The following AKNA variants were observed in gnomAD, a reference collection of about 807,000 sequenced individuals.
AKNA encodes AT-hook transcription factor, also known as microtubule organization protein AKNA.
AKNA carries 67 observed loss-of-function variants against 138.8 expected under a neutral mutation model. That is an observed-to-expected ratio of 0.48 (90% CI 0.40 to 0.59). The LOEUF (loss-of-function observed/expected upper bound fraction) is 0.59. Among genes scored for constraint, AKNA ranks in the 20% least tolerant of loss-of-function variants. The pLI, the probability that AKNA is intolerant of heterozygous loss-of-function variation, is 0.00. For synonymous variants in AKNA, 737 were observed against 754.4 expected (o/e 0.98, Z 0.38); for missense variants, 1,813 against 1,880.4 (o/e 0.96, Z 0.66).
chr9:114,383,290 C>T, intron 1 of AKNA: 2 of 445,820 alleles, frequency 4.5e-6, no homozygotes, highest in South Asian at 3.2e-5. Flanking sequence ...TTCCCTCTTT[C>T]CTTCTCCCTC....
upstream of AKNA, among the ~76,000 whole-genome samples, chr9:114,390,975 T>C (rs991313254): frequency 6.6e-5 from 10 of 152,256 alleles, no homozygotes; most frequent in African/African-American, 2.4e-4. Flanking sequence ...CTCATCATCA[T>C]ATCCCCAGGA....
At chr9:114,394,941 C>G (rs1355638761), upstream of AKNA, among the ~76,000 whole-genome samples, 2 of 152,184 alleles carry the variant, frequency 1.3e-5, no homozygotes, top group Non-Finnish European at 2.9e-5. Flanking sequence ...CCAGAAAAAG[C>G]TGAGCTGGCA....
At chr9:114,367,444 A>C (rs1832444417) in intron 6 of AKNA, 99 bp downstream of exon 6, 4 of 1,413,950 alleles carry the variant, frequency 2.8e-6, no homozygotes, top group Non-Finnish European at 3.8e-6. Flanking sequence ...GGGGAATGAC[A>C]AGTGAGACTC....
At chr9:114,330,921 G>A, downstream of AKNA, 1 of 1,429,212 alleles carries the variant, frequency 7.0e-7, no homozygotes, top group Admixed American at 1.7e-5. Flanking sequence ...GCCAGCATAA[G>A]GTGGGGGCTG....
rs547343527 is a variant in AKNA at position 114,385,600 on chromosome 9, TC to T, written c.-114+2259del. ...GTGCACAAAGAGGAACATCCTGTCT[TC>T]TGGGATGACTCAGTCGTGGCAGAAA... is the stretch of plus-strand genomic sequence containing the variant. On this transcript the variant is annotated intron_variant, in intron 1 of 21. Coordinates refer to ENST00000374088, the MANE Select transcript of AKNA (RefSeq NM_001317950.2). 1.6e-3 allele frequency among the ~76,000 whole-genome samples: 237 copies of T among 152,336 alleles called. 1 individual carries two copies. The highest frequency in any genetic ancestry group is 5.4e-3 in the African/African-American group (224 of 41,586).
At chr9:114,370,313 C>G (rs902253636) in intron 4 of AKNA, among the ~76,000 whole-genome samples, 1 of 152,248 alleles carries the variant, frequency 6.6e-6, no homozygotes, top group Non-Finnish European at 1.5e-5. Flanking sequence ...GCACCCCTCT[C>G]CTGAGGTGAC....
intron 18 of AKNA, 93 bp downstream of exon 18, chr9:114,345,770 G>T: frequency 8.4e-7 from 1 of 1,196,854 alleles, no homozygotes; most frequent in Non-Finnish European, 1.2e-6. Context: ...TATTTGAATG[G>T]CCCACTGGGT....
rs374540207 is a variant in AKNA at position 114,358,170 on chromosome 9, G to C, written c.2493-3C>G. 6.2e-7 allele frequency: 1 copy of C among 1,613,882 alleles called. No homozygotes were observed. The highest frequency in any genetic ancestry group is 8.5e-7 in the Non-Finnish European group (1 of 1,179,884). On this transcript the variant is annotated splice_region_variant and splice_polypyrimidine_tract_variant and intron_variant, in intron 11 of 21. Coordinates refer to ENST00000374088, the MANE Select transcript of AKNA (RefSeq NM_001317950.2). ...ATACCATCTTCTCCGTGGCCTCCCT[G>C]GCATGGGAAGAGAAGACCATCCTTG... is the stretch of plus-strand genomic sequence containing the variant.
intron 21 of AKNA, 146 bp downstream of exon 21, chr9:114,341,387 T>C: frequency 2.0e-6 from 2 of 990,790 alleles, no homozygotes; most frequent in Non-Finnish European, 3.0e-6. Context: ...ACTATATGAG[T>C]GTTGGGCTCC....
At chr9:114,364,436 TAA>T in intron 7 of AKNA, 122 bp downstream of exon 7, 1 of 992,284 alleles carries the variant, frequency 1.0e-6, no homozygotes, top group Admixed American at 1.8e-5. Context: ...CTGTTTGCTC[TAA>T]AAGAGACCCT....
intron 7 of AKNA, among the ~76,000 whole-genome samples, chr9:114,363,218 C>T (rs894832812): frequency 6.6e-6 from 1 of 152,162 alleles, no homozygotes; most frequent in Non-Finnish European, 1.5e-5. Context: ...GCCCTCTGGC[C>T]CCAGAGCTCA....
Position 114,381,260 on chromosome 9 carries a change from G to GCCCAGC in AKNA, c.68_73dup (p.Trp24_Ala25insGlyTrp), listed in dbSNP as rs1476359019. The GCCCAGC allele has an allele frequency of 6.2e-7, 1 of 1,613,120 alleles. No homozygotes were observed. The highest frequency in any genetic ancestry group is 1.3e-5 in the African/African-American group (1 of 74,888). ...CACATCCCTCTTGTCCTCGGCCCAG[G>GCCCAGC]CCCAGCGCCGCCGCTGGGGGCCCTT... On this transcript the variant is annotated inframe_insertion, in exon 2 of 22. Coordinates refer to ENST00000374088, the MANE Select transcript of AKNA (RefSeq NM_001317950.2).
At position 114,334,454 on chromosome 9, in the gene AKNA, T is replaced by C; in HGVS notation, c.*2600A>G. On this transcript the variant is annotated 3_prime_UTR_variant, in exon 22 of 22. Transcript: ENST00000374088. ...GCCCAGGCCAGAGGGGCTGGGTGTC[T>C]CCATGGATGTGTTCTTAGGGTGCTC... 1 of 147,938 alleles carries C rather than the reference T, an allele frequency of 6.8e-6. No individual in the cohort carries two copies. Among genetic ancestry groups the C allele is most frequent in the African/African-American group, 3.1e-5 (1 of 31,930 alleles). 9.2% of individuals were successfully genotyped at this position (147,938 alleles called of 1,614,324 possible). A position where few individuals can be genotyped will look rare whatever the true frequency, so the allele number is the denominator to read the frequency against.
At chr9:114,350,768 G>T in intron 15 of AKNA, 91 bp downstream of exon 15, 1 of 1,399,030 alleles carries the variant, frequency 7.1e-7, no homozygotes. Flanking sequence ...TGTGAGCTGG[G>T]CAGGTCTCCA....
chr9:114,370,815 G>A (rs1339439922), intron 4 of AKNA, among the ~76,000 whole-genome samples: 1 of 152,100 alleles, frequency 6.6e-6, no homozygotes, highest in Non-Finnish European at 1.5e-5. Flanking sequence ...AAGAGAGAGA[G>A]GAAGATGTTT....
At chr9:114,349,083 C>T (rs143983133) in intron 15 of AKNA, 244 of 418,100 alleles carry the variant, frequency 5.8e-4, no homozygotes, top group African/African-American at 4.2e-3. Context: ...GGCAAAGCCA[C>T]GAGGGCAAGT....
rs1831652821 is a variant in AKNA, at chr9:114,358,231, T to C, written c.2493-64A>G. 3 of 1,602,210 alleles carry C rather than the reference T, an allele frequency of 1.9e-6. No homozygotes were observed. In the African/African-American group the frequency reaches 4.0e-5, roughly 21 times the overall value. ...GGCAGCCCTGACGCAGGGGTTGGCCTGTCCTGGGAGCCAAGCAGCCCAGGG... is the reference window on the plus strand; with the variant it reads ...GGCAGCCCTGACGCAGGGGTTGGCCCGTCCTGGGAGCCAAGCAGCCCAGGG... On this transcript the variant is annotated intron_variant, in intron 11 of 21. Coordinates refer to ENST00000374088, the MANE Select transcript of AKNA (RefSeq NM_001317950.2).
At chr9:114,370,864 C>T (rs915002806) in intron 4 of AKNA, among the ~76,000 whole-genome samples, 2 of 152,284 alleles carry the variant, frequency 1.3e-5, no homozygotes, top group East Asian at 1.9e-4. Context: ...CCCCTCCCCC[C>T]ATCCCCACCC....
At chr9:114,368,935 C>T (rs767620251) in intron 4 of AKNA, among the ~76,000 whole-genome samples, 4 of 152,136 alleles carry the variant, frequency 2.6e-5, no homozygotes, top group Non-Finnish European at 5.9e-5. Context: ...GACCCCAACA[C>T]CTATGGTTCT....
Sources: allele counts gnomAD v4.1 joint callset (sites outside exome capture counted in the v4.1 genomes callset), GRCh38; gene constraint gnomAD v4.1.1; transcripts MANE v1.5; gene names NCBI Gene and HGNC (gene_info 2026-07-23, HGNC 2026-07-21).